The following KIF13B variants were observed in gnomAD, a reference collection of about 807,000 sequenced individuals.
KIF13B encodes kinesin family member 13B, also known as kinesin-like protein KIF13B.
KIF13B carries 127 observed loss-of-function variants against 222.0 expected under a neutral mutation model. That is an observed-to-expected ratio of 0.57 (90% confidence interval 0.50 to 0.66). The LOEUF (loss-of-function observed/expected upper bound fraction) is 0.66, where lower values mean the gene tolerates loss of function less well. KIF13B is among the 30% of genes least tolerant of loss of function. The pLI is 0.00. For missense variants in KIF13B, 2,173 were observed against 2,379.0 expected (o/e 0.91, Z 1.80); for synonymous variants, 976 against 919.0 (o/e 1.06, Z -1.12).
Position 29,227,866 on chromosome 8 carries a change from A to G in KIF13B, c.149+17480T>C, listed in dbSNP as rs535004595. ...CTCAGGAGGCTGAGGTGGGAGGATC[A>G]CTTGAACCCAGGAGTTCAAGTACAT... On this transcript the variant is annotated intron_variant, in intron 2 of 39. Transcript: ENST00000524189. Among the ~76,000 whole-genome samples the G allele has an allele frequency of 6.6e-5, 10 of 151,792 alleles. No individual in the cohort carries two copies. In the East Asian group the frequency reaches 2.0e-3, roughly 30 times the overall value.
At chr8:29,149,110 G>T (rs146455996) in intron 15 of KIF13B, among the ~76,000 whole-genome samples, 137 of 152,302 alleles carry the variant, frequency 9.0e-4, no homozygotes, top group African/African-American at 3.1e-3. Context: ...AGAGGGAACA[G>T]TGTGGGAAAA....
chr8:29,180,017 T>C, intron 8 of KIF13B, 87 bp downstream of exon 8: 1 of 1,464,542 alleles, frequency 6.8e-7, no homozygotes, highest in Non-Finnish European at 9.4e-7. Context: ...GCCAGGACTT[T>C]AATTCATCTA....
In KIF13B at chr8:29,179,509, AACTTCT is replaced by A. The variant is rs1226736160; in HGVS notation, c.720+589_720+594del. ...CAGACAGTGGGCCATCGGTGCACTTAACTTCTGCTCCACCTTCCTTTAGTGGGAGTG... is the reference window on the plus strand; with the variant it reads ...CAGACAGTGGGCCATCGGTGCACTTAGCTCCACCTTCCTTTAGTGGGAGTG... On this transcript the variant is annotated intron_variant, in intron 8 of 39. Coordinates refer to ENST00000524189, the MANE Select transcript of KIF13B (RefSeq NM_015254.4). Among the ~76,000 whole-genome samples the A allele has an allele frequency of 1.1e-3, 162 of 152,292 alleles. 3 individuals carry two copies. The East Asian group carries it at 0.029, about 27-fold the overall frequency.
chr8:29,076,152 C>T (rs1478415920), intron 37 of KIF13B, among the ~76,000 whole-genome samples: 1 of 152,178 alleles, frequency 6.6e-6, no homozygotes, highest in Non-Finnish European at 1.5e-5. Context: ...TCTGTTGCTG[C>T]GGAGTGGCTG....
At position 29,256,227 on chromosome 8, in the gene KIF13B, G is replaced by T. The variant is rs953728421; in HGVS notation, c.55+6753C>A. On this transcript the variant is annotated intron_variant, in intron 1 of 39. Transcript: ENST00000524189. ...TTCCCACACCTCCACCCTAAAACCT[G>T]CTTCTCCTGTGCTTCTGATTCAGTT... Among the ~76,000 whole-genome samples the T allele has an allele frequency of 4.6e-5, 7 of 152,112 alleles. No individual in the cohort carries two copies. In the South Asian group the frequency reaches 1.4e-3, roughly 31 times the overall value.
intron 10 of KIF13B, 99 bp from the exon 11 acceptor site, chr8:29,167,684 T>TA: frequency 1.1e-6 from 1 of 916,734 alleles, no homozygotes; most frequent in South Asian, 1.5e-5. Context: ...TTTCCCCAGG[T>TA]CAAACACATT....
intron 31 of KIF13B, 55 bp downstream of exon 31, chr8:29,116,776 C>T: frequency 1.3e-6 from 2 of 1,530,062 alleles, no homozygotes; most frequent in Non-Finnish European, 1.8e-6. Context: ...CACTGCACGG[C>T]CCTACCCTCA....
At chr8:29,137,113 T>C (rs547086009) in intron 21 of KIF13B, among the ~76,000 whole-genome samples, 1 of 152,284 alleles carries the variant, frequency 6.6e-6, no homozygotes, top group South Asian at 2.1e-4. Context: ...TGACAGGTAT[T>C]GAGTAGATAC....
intron 10 of KIF13B, among the ~76,000 whole-genome samples, chr8:29,169,150 A>G (rs141297389): frequency 4.7e-4 from 72 of 152,322 alleles, no homozygotes; most frequent in African/African-American, 1.6e-3. Flanking sequence ...TACAATGAAA[A>G]TGAGTTGGTA....
At chr8:29,176,204 A>C in intron 9 of KIF13B, 25 bp from the exon 10 acceptor site, 1 of 1,338,414 alleles carries the variant, frequency 7.5e-7, no homozygotes, top group Non-Finnish European at 1.1e-6. Flanking sequence ...AAACCAAAAT[A>C]ATTACAAAAA....
In KIF13B at chr8:29,186,379, T is replaced by C. The variant is rs1812927978; in HGVS notation, c.410A>G (p.Glu137Gly). Residue 137 changes from glutamate (E) to glycine (G), a missense_variant, in exon 6 of 40, where the codon GAG (glutamate) becomes GGG (glycine). Physicochemically the swap from Glu to Gly is moderately conservative, Grantham distance 98. Transcript: ENST00000524189. Reference sequence around the variant, plus strand: ...TTTAAAACTCTGTTCTTCATTTTCCTCTTTCTGAGTTCGTTCAAAGAGTCC... The same window carrying C: ...TTTAAAACTCTGTTCTTCATTTTCCCCTTTCTGAGTTCGTTCAAAGAGTCC... ...CSGLFERTQK[E>G]ENEEQSFKVE... 1.2e-6 allele frequency: 2 copies of C among 1,613,924 alleles called. No homozygotes were observed.
chr8:29,094,984 A>G (rs1435958546), intron 36 of KIF13B, among the ~76,000 whole-genome samples: 1 of 151,630 alleles, frequency 6.6e-6, no homozygotes, highest in East Asian at 1.9e-4. Context: ...AAAAAAAAAA[A>G]GAACAGAGCC....
At chr8:29,157,735 G>A (rs1811599693) in intron 13 of KIF13B, among the ~76,000 whole-genome samples, 1 of 150,466 alleles carries the variant, frequency 6.6e-6, no homozygotes, top group African/African-American at 2.4e-5. Context: ...TAAAAATGAG[G>A]CAGGAAGATT....
intron 37 of KIF13B, among the ~76,000 whole-genome samples, chr8:29,089,700 C>G (rs1231800449): frequency 6.6e-6 from 1 of 151,924 alleles, no homozygotes; most frequent in Non-Finnish European, 1.5e-5. Flanking sequence ...TCGAGACCAG[C>G]CTTGCCAACA....
chr8:29,072,398 A>T lies in KIF13B; in HGVS notation c.4522-82T>A, dbSNP rs1294042821. ...AGCAGGCAGCTTTGACTTGGAAAAG[A>T]GCATGAGGCCAGGGGCAGTGGCTCA... On this transcript the variant is annotated intron_variant, in intron 38 of 39. Transcript: ENST00000524189. 3.1e-6 allele frequency: 3 copies of T among 964,746 alleles called. No homozygotes were observed. In the African/African-American group the frequency reaches 5.1e-5, roughly 16 times the overall value. 59.8% of individuals were successfully genotyped at this position (964,746 alleles called of 1,614,324 possible).
intron 37 of KIF13B, among the ~76,000 whole-genome samples, chr8:29,076,354 C>T: frequency 6.6e-6 from 1 of 152,250 alleles, no homozygotes. Context: ...CCACAGGGCA[C>T]AGCTGGTGGC....
At chr8:29,183,817 T>G in intron 6 of KIF13B, among the ~76,000 whole-genome samples, 1 of 152,140 alleles carries the variant, frequency 6.6e-6, no homozygotes, top group East Asian at 1.9e-4. Flanking sequence ...CGAGTGCTAG[T>G]AACTAAGAAG....
At position 29,116,978 on chromosome 8, in the gene KIF13B, C is replaced by A. The variant is rs747315800; in HGVS notation, c.3690G>T (p.Ala1230=). 1.3e-6 allele frequency: 2 copies of A among 1,599,426 alleles called. No individual in the cohort carries two copies. Among genetic ancestry groups the A allele is most frequent in the African/African-American group, 2.7e-5 (2 of 74,458 alleles). Residue 1230 remains alanine (A), a synonymous_variant, in exon 31 of 40, where the codon GCG becomes GCT. Coordinates refer to ENST00000524189, the MANE Select transcript of KIF13B (RefSeq NM_015254.4). ...TGCTGAGCTGAGGGCAGCCATGCACCGCGGAGTCCCAGGAGGCTTCTGCTT... is the reference window on the plus strand; with the variant it reads ...TGCTGAGCTGAGGGCAGCCATGCACAGCGGAGTCCCAGGAGGCTTCTGCTT... ...EVKAEASWDS[A]VHGCPQLSRG...
At chr8:29,201,701 C>T (rs1396992951) in intron 2 of KIF13B, among the ~76,000 whole-genome samples, 2 of 152,184 alleles carry the variant, frequency 1.3e-5, no homozygotes, top group East Asian at 1.9e-4. Flanking sequence ...TTCAACAAGA[C>T]CCCACCCCAA....
Sources: allele counts gnomAD v4.1 joint callset (sites outside exome capture counted in the v4.1 genomes callset), GRCh38; gene constraint gnomAD v4.1.1; transcripts MANE v1.5; gene names NCBI Gene and HGNC (gene_info 2026-07-23, HGNC 2026-07-21).